Variants in PRKCB observed in about 807,000 individuals in gnomAD.
The protein encoded by PRKCB is protein kinase C beta type.
A neutral mutation model predicts 81.5 loss-of-function variants in PRKCB; 13 were observed. The ratio of observed to expected loss-of-function variants is 0.16; its 90% confidence interval spans 0.10 to 0.25. PRKCB has a LOEUF of 0.25. PRKCB is among the 10% of genes least tolerant of loss of function. The pLI, the probability that PRKCB is intolerant of heterozygous loss-of-function variation, is 1.00. For synonymous variants in PRKCB, 335 were observed against 321.4 expected, an observed-to-expected ratio of 1.04 and a Z score of -0.45; for missense variants, 509 against 875.7, an observed-to-expected ratio of 0.58 and a Z score of 5.29.
Position 24,216,142 on chromosome 16 carries a change from C to T in PRKCB, c.*1326C>T. The T allele has an allele frequency of 1.0e-6, 1 of 985,474 alleles. No homozygotes were observed. The highest frequency in any genetic ancestry group is 1.2e-6 in the Non-Finnish European group (1 of 830,006). 61.0% of individuals were successfully genotyped at this position (985,474 alleles called of 1,614,324 possible). On this transcript the variant is annotated 3_prime_UTR_variant, in exon 17 of 17. Coordinates refer to ENST00000643927, the MANE Select transcript of PRKCB (RefSeq NM_002738.7). ...TTTAATCTTGGCCCCAGTGTTCAGC[C>T]ACTCGGAGGGGCGGGGGCTGTGGCC...
At chr16:24,038,855 C>A (rs989397239) in intron 5 of PRKCB, among the ~76,000 whole-genome samples, 3 of 152,108 alleles carry the variant, frequency 2.0e-5, no homozygotes, top group Non-Finnish European at 2.9e-5. Flanking sequence ...ACAGTCAGTC[C>A]CATCTTGAGG....
At chr16:24,181,806 A>G (rs1289006583) in intron 13 of PRKCB, among the ~76,000 whole-genome samples, 3 of 149,602 alleles carry the variant, frequency 2.0e-5, no homozygotes, top group Non-Finnish European at 3.0e-5. Flanking sequence ...AAGAATGACA[A>G]ATAACACTAT....
rs538984334 is a variant in PRKCB, at chr16:24,122,944, C to T, written c.919-891C>T. ...AGTCCCTCTCCCATTGCACTGAGGA[C>T]ACACGTGGCCCTCACTCATCCATTT... On this transcript the variant is annotated intron_variant, in intron 8 of 16. Coordinates refer to ENST00000643927, the MANE Select transcript of PRKCB (RefSeq NM_002738.7). Among the ~76,000 whole-genome samples, 18 of 152,274 alleles carry T rather than the reference C, an allele frequency of 1.2e-4. No individual in the cohort carries two copies. The South Asian group carries it at 3.3e-3, about 28-fold the overall frequency.
intron 2 of PRKCB, among the ~76,000 whole-genome samples, chr16:23,849,112 C>T (rs766729216): frequency 1.3e-5 from 2 of 152,222 alleles, no homozygotes; most frequent in African/African-American, 2.4e-5. Context: ...CCTTTCCTGG[C>T]CTGCAACACT....
intron 3 of PRKCB, among the ~76,000 whole-genome samples, chr16:24,017,696 C>A (rs1368826244): frequency 6.6e-6 from 1 of 152,072 alleles, no homozygotes; most frequent in Non-Finnish European, 1.5e-5. Flanking sequence ...TTAAAACAGG[C>A]AAAATTAATG....
At chr16:23,964,658 G>C (rs946250789) in intron 2 of PRKCB, among the ~76,000 whole-genome samples, 3 of 150,910 alleles carry the variant, frequency 2.0e-5, no homozygotes, top group African/African-American at 7.3e-5. Context: ...CTTCCAGGGG[G>C]CAAACACCTC....
At chr16:24,089,790 C>T (rs1966354533) in intron 5 of PRKCB, among the ~76,000 whole-genome samples, 1 of 136,038 alleles carries the variant, frequency 7.4e-6, no homozygotes, top group Non-Finnish European at 1.5e-5. Context: ...CTCTCTCTCT[C>T]ACACACACAC....
chr16:24,038,435 C>A (rs114727659), intron 5 of PRKCB, among the ~76,000 whole-genome samples: 1,574 of 152,348 alleles, frequency 0.01, 41 homozygotes, highest in African/African-American at 0.037. Context: ...TCACACCATT[C>A]GGGAAAGGGC....
intron 3 of PRKCB, among the ~76,000 whole-genome samples, chr16:24,027,412 A>G (rs1279936669): frequency 6.6e-6 from 1 of 152,132 alleles, no homozygotes; most frequent in Non-Finnish European, 1.5e-5. Context: ...GGAGATAGAG[A>G]CATGGCTGGT....
At chr16:23,878,123 C>T (rs999769941) in intron 2 of PRKCB, among the ~76,000 whole-genome samples, 1 of 152,142 alleles carries the variant, frequency 6.6e-6, no homozygotes, top group Admixed American at 6.5e-5. Context: ...CGTGAGCCAC[C>T]GCACCCGGCC....
chr16:24,107,621 C>T (rs1425577807), intron 7 of PRKCB, among the ~76,000 whole-genome samples: 5 of 152,204 alleles, frequency 3.3e-5, no homozygotes, highest in African/African-American at 4.8e-5. Flanking sequence ...AGGGGGCACA[C>T]GTGTCCTATT....
At chr16:24,146,092 G>T (rs1966984647) in intron 9 of PRKCB, among the ~76,000 whole-genome samples, 1 of 152,120 alleles carries the variant, frequency 6.6e-6, no homozygotes, top group South Asian at 2.1e-4. Flanking sequence ...TTGGAGTGAT[G>T]CGCTTAAAAG....
chr16:24,081,807 G>T (rs1242812872), intron 5 of PRKCB, among the ~76,000 whole-genome samples: 1 of 151,916 alleles, frequency 6.6e-6, no homozygotes, highest in African/African-American at 2.4e-5. Context: ...GGAGGCAGAG[G>T]TTGCAGTGAG....
At chr16:23,943,362 A>G (rs1344805783) in intron 2 of PRKCB, among the ~76,000 whole-genome samples, 2 of 152,074 alleles carry the variant, frequency 1.3e-5, no homozygotes, top group Non-Finnish European at 2.9e-5. Context: ...CCATCTCTAC[A>G]AAAAAAGTTA....
intron 3 of PRKCB, among the ~76,000 whole-genome samples, chr16:23,995,984 G>A (rs983465717): frequency 3.4e-5 from 5 of 147,038 alleles, no homozygotes; most frequent in East Asian, 4.0e-4. Context: ...AGAACTTTGA[G>A]CAGTGCACCT....
chr16:24,171,826 C>T (rs1024309476), intron 10 of PRKCB, among the ~76,000 whole-genome samples: 5 of 152,148 alleles, frequency 3.3e-5, no homozygotes, highest in African/African-American at 1.2e-4. Flanking sequence ...ATCCCCCTCC[C>T]GGGTTCAAGT....
At chr16:24,135,342 C>G (rs1966861376) in intron 9 of PRKCB, among the ~76,000 whole-genome samples, 1 of 121,412 alleles carries the variant, frequency 8.2e-6, no homozygotes, top group South Asian at 2.9e-4. Context: ...CTTTTTGAGA[C>G]AGAGTCTTGC....
At chr16:24,042,739 C>CAA (rs201864228) in intron 5 of PRKCB, among the ~76,000 whole-genome samples, 1 of 109,272 alleles carries the variant, frequency 9.2e-6, no homozygotes, top group African/African-American at 3.9e-5. Flanking sequence ...ATGATACATA[C>CAA]AAAATTTTTT....
intron 5 of PRKCB, among the ~76,000 whole-genome samples, chr16:24,049,045 C>CTTTTTTT (rs1462670006): frequency 6.1e-5 from 5 of 82,510 alleles, no homozygotes; most frequent in Admixed American, 1.2e-4. Context: ...TCAAATTGGC[C>CTTTTTTT]TGTTTTTTTT....
Sources: gnomAD v4.1 joint callset for allele counts (sites outside exome capture counted in the v4.1 genomes callset) on GRCh38, gnomAD v4.1.1 for gene constraint, MANE v1.5 for transcripts, NCBI Gene and HGNC (gene_info 2026-07-23, HGNC 2026-07-21) for gene names.